Variants in ACOT9 observed in about 807,000 individuals in gnomAD.
ACOT9 encodes acyl-CoA thioesterase 9.
A neutral mutation model predicts 39.7 loss-of-function variants in ACOT9; 34 were observed. That is an observed-to-expected ratio of 0.86 (90% CI 0.65 to 1.14). The LOEUF (loss-of-function observed/expected upper bound fraction) is 1.14. Ranked by LOEUF, ACOT9 falls within the 50% of genes most tolerant of loss-of-function variation. ACOT9 has a pLI of 0.00. For synonymous variants in ACOT9, 110 were observed against 120.5 expected (o/e 0.91, Z 0.57); for missense variants, 313 against 344.1 (o/e 0.91, Z 0.71).
chrX:23,737,828 T>C (rs1310752005), intron 1 of ACOT9, among the ~76,000 whole-genome samples: 1 of 110,273 alleles, frequency 9.1e-6, no homozygotes, highest in Non-Finnish European at 1.9e-5. Context: ...TTTTTCACGA[T>C]AAATATTCAA....
intron 8 of ACOT9, among the ~76,000 whole-genome samples, chrX:23,720,089 T>C (rs1929261121): frequency 8.9e-6 from 1 of 112,694 alleles, no homozygotes; most frequent in South Asian, 3.6e-4. Flanking sequence ...CGCCTTGGCC[T>C]CCCAAAGTGC....
In ACOT9 at chrX:23,702,438, A is replaced by G. The variant is rs1480965066; in HGVS notation, c.*1456T>C. On this transcript the variant is annotated 3_prime_UTR_variant, in exon 16 of 16. Transcript: ENST00000379303. ...CGGCTAATTTTTGTATTTTTAGTAG[A>G]AACGGGGTTTCACCATCTCGGCCAG... 1 of 109,863 alleles carries G rather than the reference A, an allele frequency of 9.1e-6. No homozygotes were observed. The highest frequency in any genetic ancestry group is 2.9e-4 in the East Asian group (1 of 3,490). 9.1% of individuals were successfully genotyped at this position (109,863 alleles called of 1,213,427 possible).
chrX:23,706,135 G>A (rs1176349884), intron 11 of ACOT9, among the ~76,000 whole-genome samples: 2 of 110,108 alleles, frequency 1.8e-5, no homozygotes, highest in African/African-American at 6.6e-5. Flanking sequence ...GCGTGGTGGC[G>A]GGCGCCTGTA....
intron 15 of ACOT9, among the ~76,000 whole-genome samples, 190 bp from the exon 16 acceptor site, chrX:23,704,172 T>A (rs1248659293): frequency 2.2e-5 from 2 of 91,291 alleles, no homozygotes; most frequent in African/African-American, 8.3e-5. Context: ...ATCAGTTTTT[T>A]TTTTTTTTTT....
chrX:23,706,126 C>T (rs905802825), intron 11 of ACOT9, among the ~76,000 whole-genome samples: 4 of 109,690 alleles, frequency 3.6e-5, no homozygotes, highest in Admixed American at 9.8e-5. Flanking sequence ...AATTAGCAGG[C>T]GTGGTGGCGG....
intron 9 of ACOT9, among the ~76,000 whole-genome samples, chrX:23,709,322 G>A (rs1928814731): frequency 8.9e-6 from 1 of 111,958 alleles, no homozygotes; most frequent in African/African-American, 3.2e-5. Context: ...GAACCCAGGA[G>A]GTAGAGGTTG....
intron 8 of ACOT9, among the ~76,000 whole-genome samples, chrX:23,714,098 T>C (rs956466056): frequency 3.6e-5 from 4 of 110,858 alleles, no homozygotes; most frequent in African/African-American, 1.3e-4. Flanking sequence ...GGCATGGAGT[T>C]TGGAACTGTG....
At chrX:23,722,065 C>G (rs1361127082) in intron 7 of ACOT9, 81 bp from the exon 8 acceptor site, 1 of 573,628 alleles carries the variant, frequency 1.7e-6, no homozygotes, top group African/African-American at 2.4e-5. Flanking sequence ...GAAATTATGG[C>G]AAATTCCACT....
chrX:23,720,313 GACTGTTAA>G (rs1289892084), intron 8 of ACOT9, among the ~76,000 whole-genome samples: 1 of 112,176 alleles, frequency 8.9e-6, no homozygotes, highest in Non-Finnish European at 1.9e-5. Flanking sequence ...TAGCTCAAAT[GACTGTTAA>G]GGGCCCAACT....
chrX:23,735,425 C>T (rs1021697112), intron 2 of ACOT9, among the ~76,000 whole-genome samples: 1 of 110,392 alleles, frequency 9.1e-6, no homozygotes, highest in Non-Finnish European at 1.9e-5. Context: ...TATTTATATA[C>T]ACACATAATA....
intron 8 of ACOT9, among the ~76,000 whole-genome samples, chrX:23,718,102 A>G (rs1385421377): frequency 9.1e-6 from 1 of 109,318 alleles, no homozygotes; most frequent in East Asian, 2.9e-4. Flanking sequence ...AAAAAAAAAA[A>G]TTTCCAACAG....
chrX:23,707,703 C>G (rs1026344074), intron 10 of ACOT9, 174 bp downstream of exon 10: 4 of 342,137 alleles, frequency 1.2e-5, no homozygotes, highest in African/African-American at 8.3e-5. Context: ...CACCACTGCA[C>G]TCCAGCCTGG....
intron 6 of ACOT9, among the ~76,000 whole-genome samples, chrX:23,728,168 T>C: frequency 9.0e-6 from 1 of 110,965 alleles, no homozygotes. Flanking sequence ...TAGAACCCTT[T>C]TTCAGACCCT....
chrX:23,710,523 T>C (rs185479016), intron 9 of ACOT9, among the ~76,000 whole-genome samples: 1 of 112,230 alleles, frequency 8.9e-6, no homozygotes, highest in Admixed American at 9.6e-5. Flanking sequence ...CTGCAATTTA[T>C]TGAAATACAT....
rs1928704514 is a variant in ACOT9, at chrX:23,706,736, T to C, written c.734A>G (p.Asn245Ser). The change falls in exon 11 of 16, where the codon AAC becomes AGC. Residue 245 changes from asparagine (N) to serine (S), a missense_variant. Asn to Ser is a conservative substitution (Grantham distance 46, BLOSUM62 1). Coordinates refer to ENST00000379303, the MANE Select transcript of ACOT9 (RefSeq NM_001037171.2). ...EEELFRQGEL[N>S]KGRRIAFSST... ...GCTGAAGGCAATTCTTCTCCCCTTG[T>C]TCACTGGAACAAGGGAGAATAAGGA... 1 of 1,161,982 alleles carries C rather than the reference T, an allele frequency of 8.6e-7. No individual in the cohort carries two copies. The highest frequency in any genetic ancestry group is 1.8e-5 in the South Asian group (1 of 54,905).
intron 8 of ACOT9, among the ~76,000 whole-genome samples, chrX:23,716,967 G>A (rs1195701466): frequency 1.8e-5 from 2 of 111,421 alleles, no homozygotes; most frequent in African/African-American, 6.5e-5. Flanking sequence ...CGATTCTTCT[G>A]CCTCAGCCTC....
chrX:23,717,689 G>C (rs921120659), intron 8 of ACOT9, among the ~76,000 whole-genome samples: 1 of 111,505 alleles, frequency 9.0e-6, no homozygotes, highest in Non-Finnish European at 1.9e-5. Flanking sequence ...GGTAGCAACA[G>C]CACGTCTAGG....
At chrX:23,733,290 G>T in intron 3 of ACOT9, 73 bp from the exon 4 acceptor site, 1 of 959,542 alleles carries the variant, frequency 1.0e-6, no homozygotes, top group Non-Finnish European at 1.5e-6. Flanking sequence ...ATGAGCTCAA[G>T]AACTACAAAA....
At position 23,723,344 on chromosome X, in the gene ACOT9, C is replaced by T. The variant is rs149317482; in HGVS notation, c.401-591G>A. ...GTATAATTATACGTTGGGCCGGGCG[C>T]GGCGGCTCAGCCTGTAATCCCAGCA... On this transcript the variant is annotated intron_variant, in intron 6 of 15. Transcript: ENST00000379303. 8.3e-3 allele frequency among the ~76,000 whole-genome samples: 918 copies of T among 111,265 alleles called. 4 individuals carry two copies. The highest frequency in any genetic ancestry group is 0.012 in the Non-Finnish European group (660 of 53,051).
Sources: allele counts gnomAD v4.1 joint callset (sites outside exome capture counted in the v4.1 genomes callset), GRCh38; gene constraint gnomAD v4.1.1; transcripts MANE v1.5; gene names NCBI Gene and HGNC (gene_info 2026-07-23, HGNC 2026-07-21).